The following ADAM10 variants were observed in gnomAD, a reference collection of about 807,000 sequenced individuals.
ADAM10 encodes the protein ADAM metallopeptidase domain 10.
A neutral mutation model predicts 90.1 loss-of-function variants in ADAM10; 17 were observed. The observed-to-expected ratio is 0.19, with a 90% confidence interval of 0.13 to 0.28. The LOEUF (loss-of-function observed/expected upper bound fraction) is 0.28. ADAM10 is among the 10% of genes least tolerant of loss of function. The pLI, the probability that ADAM10 is intolerant of heterozygous loss-of-function variation, is 1.00. For missense variants in ADAM10, 610 were observed against 914.3 expected, an observed-to-expected ratio of 0.67 and a Z score of 4.29; for synonymous variants, 310 against 298.6, an observed-to-expected ratio of 1.04 and a Z score of -0.40.
chr15:58,725,542 A>G (rs190006440), intron 1 of ADAM10, among the ~76,000 whole-genome samples: 1 of 151,612 alleles, frequency 6.6e-6, no homozygotes. Context: ...TCTCAAAAAT[A>G]AAAATTAAAA....
chr15:58,636,276 CAAA>C (rs1188741361), intron 8 of ADAM10, among the ~76,000 whole-genome samples: 7 of 83,574 alleles, frequency 8.4e-5, no homozygotes, highest in Admixed American at 4.0e-4. Context: ...GACTTCGTTT[CAAA>C]AAAAAAAAAA....
intron 4 of ADAM10, among the ~76,000 whole-genome samples, chr15:58,667,022 A>G (rs909380331): frequency 1.3e-5 from 2 of 152,162 alleles, no homozygotes; most frequent in Admixed American, 1.3e-4. Context: ...TACTAACAAT[A>G]TAATCCTCAT....
intron 5 of ADAM10, among the ~76,000 whole-genome samples, chr15:58,657,296 T>C (rs1896851138): frequency 6.6e-6 from 1 of 152,228 alleles, no homozygotes; most frequent in African/African-American, 2.4e-5. Context: ...TATCTCTTTC[T>C]CTACCTCCTC....
chr15:58,635,504 G>T (rs1195856484), intron 8 of ADAM10, among the ~76,000 whole-genome samples: 1 of 151,978 alleles, frequency 6.6e-6, no homozygotes, highest in Admixed American at 6.6e-5. Flanking sequence ...TGACAACTGA[G>T]TAGAGAGAAA....
intron 5 of ADAM10, among the ~76,000 whole-genome samples, chr15:58,662,024 T>C (rs1566985024): frequency 1.3e-5 from 2 of 152,216 alleles, no homozygotes; most frequent in African/African-American, 2.4e-5. Flanking sequence ...TGTTAACATC[T>C]GTAATTAACA....
rs1596062912 is a variant in ADAM10 at position 58,682,212 on chromosome 15, G to A, written c.309C>T (p.Tyr103=). The A allele has an allele frequency of 6.2e-7, 1 of 1,612,362 alleles. No individual in the cohort carries two copies. Among genetic ancestry groups the A allele is most frequent in the Admixed American group, 1.7e-5 (1 of 59,934 alleles). ...KVLDYDTSHI[Y]TGHIYGEEGS... ...CCAACTTACCATAAATATGTCCAGT[G>A]TAAATATGAGAGGTATCATAATCAA... The change falls in exon 3 of 16, where the codon TAC becomes TAT. Residue 103 remains tyrosine (Y), a synonymous_variant. Coordinates refer to ENST00000260408, the MANE Select transcript of ADAM10 (RefSeq NM_001110.4).
chr15:58,723,378 G>T (rs1898921406), intron 1 of ADAM10, among the ~76,000 whole-genome samples: 1 of 152,026 alleles, frequency 6.6e-6, no homozygotes, highest in Non-Finnish European at 1.5e-5. Flanking sequence ...CTCAGAGGCA[G>T]AAAGAAAAGA....
Position 58,610,459 on chromosome 15 carries a change from A to T in ADAM10, c.1863T>A (p.Gly621=), listed in dbSNP as rs1284663733. 2 of 1,614,176 alleles carry T rather than the reference A, an allele frequency of 1.2e-6. No individual in the cohort carries two copies. Among genetic ancestry groups the T allele is most frequent in the South Asian group, 2.2e-5 (2 of 91,086 alleles). The change falls in exon 14 of 16, where the codon GGT becomes GGA. Residue 621 remains glycine, a synonymous_variant. Transcript: ENST00000260408. The part of the protein sequence containing the change: ...GSVQWSRHFS[G]RTITLQPGSP... The stretch of plus-strand genomic sequence containing the variant: ...ATCCAGGTTGCAGGGTGATGGTTCG[A>T]CCACTGAAGTGCCTACTCCACTGCA...
chr15:58,687,898 T>C (rs1181305695), intron 2 of ADAM10, among the ~76,000 whole-genome samples: 3 of 152,066 alleles, frequency 2.0e-5, no homozygotes, highest in Non-Finnish European at 4.4e-5. Context: ...GGATTATAGA[T>C]GGGGGAGGGG....
At chr15:58,721,827 A>C (rs1177743953) in intron 1 of ADAM10, among the ~76,000 whole-genome samples, 1 of 152,174 alleles carries the variant, frequency 6.6e-6, no homozygotes, top group Non-Finnish European at 1.5e-5. Flanking sequence ...CAGGAGTTCA[A>C]GACTAGCCTG....
At chr15:58,709,074 T>C (rs1314487661) in intron 2 of ADAM10, among the ~76,000 whole-genome samples, 1 of 152,196 alleles carries the variant, frequency 6.6e-6, no homozygotes, top group Non-Finnish European at 1.5e-5. Context: ...CAAACAAGCA[T>C]ATTCAAACCA....
chr15:58,633,426 T>C (rs779221588), intron 8 of ADAM10, 67 bp from the exon 9 acceptor site: 33 of 1,318,398 alleles, frequency 2.5e-5, no homozygotes, highest in African/African-American at 7.3e-5. Flanking sequence ...AGGTAATACA[T>C]GCTATATTAA....
intron 2 of ADAM10, among the ~76,000 whole-genome samples, chr15:58,706,517 G>T (rs1898294843): frequency 6.6e-6 from 1 of 152,036 alleles, no homozygotes; most frequent in South Asian, 2.1e-4. Flanking sequence ...ATATTATTTT[G>T]AGCCAATTAT....
At chr15:58,606,893 G>A (rs1895292635) in intron 14 of ADAM10, among the ~76,000 whole-genome samples, 1 of 152,200 alleles carries the variant, frequency 6.6e-6, no homozygotes. Context: ...AAACATTTGA[G>A]GTTTTGTGGG....
At chr15:58,710,839 TTCTCAAAG>T (rs1367656121) in intron 2 of ADAM10, among the ~76,000 whole-genome samples, 1 of 152,220 alleles carries the variant, frequency 6.6e-6, no homozygotes, top group Non-Finnish European at 1.5e-5. Flanking sequence ...TTACCTCTGC[TTCTCAAAG>T]TCTGCTGGTT....
At chr15:58,626,477 C>G (rs1895948812) in intron 10 of ADAM10, among the ~76,000 whole-genome samples, 2 of 152,014 alleles carry the variant, frequency 1.3e-5, no homozygotes, top group Admixed American at 1.3e-4. Flanking sequence ...AACCTATGGT[C>G]TTGTGAAATA....
At chr15:58,669,503 C>T (rs1283888906) in intron 4 of ADAM10, among the ~76,000 whole-genome samples, 16 of 152,272 alleles carry the variant, frequency 1.1e-4, no homozygotes, top group Non-Finnish European at 8.8e-5. Flanking sequence ...AGAGAATGTA[C>T]ATGCTGTATA....
intron 11 of ADAM10, among the ~76,000 whole-genome samples, chr15:58,620,599 T>C (rs1428845691): frequency 2.6e-5 from 4 of 151,966 alleles, no homozygotes; most frequent in African/African-American, 9.7e-5. Flanking sequence ...ATATTTAAAG[T>C]TAAGATTTTT....
Position 58,706,060 on chromosome 15 carries a change from G to A in ADAM10, c.206+11517C>T, listed in dbSNP as rs561409933. Among the ~76,000 whole-genome samples, 64 of 152,326 alleles carry A rather than the reference G, an allele frequency of 4.2e-4. 1 individual carries two copies. In the South Asian group the frequency reaches 5.0e-3, roughly 12 times the overall value. On this transcript the variant is annotated intron_variant, in intron 2 of 15. Coordinates refer to ENST00000260408, the MANE Select transcript of ADAM10 (RefSeq NM_001110.4). ...CCTCTGCAAACAAGGATGGACTACT[G>A]TAGACTAAAAAGAAGTTGCCTTTTC... is the stretch of plus-strand genomic sequence containing the variant.
Sources: gnomAD v4.1 joint callset for allele counts (sites outside exome capture counted in the v4.1 genomes callset) on GRCh38, gnomAD v4.1.1 for gene constraint, MANE v1.5 for transcripts, NCBI Gene and HGNC (gene_info 2026-07-23, HGNC 2026-07-21) for gene names.